GPC2: variants seen among roughly 807,000 people sequenced by gnomAD.
GPC2 encodes the protein glypican-2.
GPC2 carries 42 observed loss-of-function variants against 57.3 expected under a neutral mutation model. The observed-to-expected ratio is 0.73, with a 90% confidence interval of 0.57 to 0.95. The LOEUF (loss-of-function observed/expected upper bound fraction) is 0.95, where lower values mean the gene tolerates loss of function less well. Among genes scored for constraint, GPC2 ranks in the 40% least tolerant of loss-of-function variants. GPC2 has a pLI of 0.00. For missense variants in GPC2, 745 were observed against 793.6 expected, an observed-to-expected ratio of 0.94 and a Z score of 0.74; for synonymous variants, 364 against 343.4, an observed-to-expected ratio of 1.06 and a Z score of -0.66.
intron 6 of GPC2, 33 bp downstream of exon 6, chr7:100,172,054 C>T (rs767289186): frequency 4.3e-6 from 7 of 1,612,546 alleles, no homozygotes; most frequent in South Asian, 2.2e-5. Flanking sequence ...GTCCCCGCCC[C>T]GGGCCTCACC....
chr7:100,176,096 G>GGTGGA, intron 2 of GPC2, 111 bp downstream of exon 2: 1 of 395,286 alleles, frequency 2.5e-6, no homozygotes, highest in Admixed American at 5.5e-5. Context: ...GGCGGGCTGG[G>GGTGGA]AGGGGATGGA....
At chr7:100,172,773 ATG>A (rs1158063370) in intron 5 of GPC2, among the ~76,000 whole-genome samples, 6 of 141,724 alleles carry the variant, frequency 4.2e-5, no homozygotes, top group South Asian at 2.2e-4. Context: ...GTATATATAT[ATG>A]TGTGTGTATA....
In GPC2 at chr7:100,172,157, T is replaced by G; in HGVS notation, c.953A>C (p.Glu318Ala). The part of the protein sequence containing the change: ...QGPFSFELTA[E>A]SIGVKISEGL... ...CTCCGAGATCTTCACCCCAATGGAC[T>G]CGGCCGTCAGCTCAAAGGAAAAGGG... Residue 318 changes from glutamate to alanine, a missense_variant, in exon 6 of 10, where the codon GAG becomes GCG. Physicochemically the swap from Glu to Ala is moderately radical, Grantham distance 107. This residue lies in a region of GPC2 where 607 missense variants were observed against 603.9 expected (regional missense o/e 1.01). Coordinates refer to ENST00000292377, the MANE Select transcript of GPC2 (RefSeq NM_152742.3). 1 of 1,613,786 alleles carries G rather than the reference T, an allele frequency of 6.2e-7. No individual in the cohort carries two copies. Among genetic ancestry groups the G allele is most frequent in the Non-Finnish European group, 8.5e-7 (1 of 1,179,948 alleles).
In GPC2 at chr7:100,171,704, G is replaced by A. The variant is rs1402073801; in HGVS notation, c.1171-26C>T. ...CTGGGCGGGCGAGAGGGGGCGGGGC[G>A]AGCTGGAGCGCGACCCCCACAACCA... On this transcript the variant is annotated intron_variant, in intron 7 of 9. Coordinates refer to ENST00000292377, the MANE Select transcript of GPC2 (RefSeq NM_152742.3). The surrounding 1 kb of genome is among the most constrained non-coding windows in gnomAD (Gnocchi z 4.8). 6 of 1,478,736 alleles carry A rather than the reference G, an allele frequency of 4.1e-6. No homozygotes were observed. In the East Asian group the frequency reaches 1.4e-4, roughly 33 times the overall value. 91.6% of individuals were successfully genotyped at this position (1,478,736 alleles called of 1,614,324 possible).
Position 100,177,047 on chromosome 7 carries a change from G to A in GPC2, c.153C>T (p.Pro51=), listed in dbSNP as rs1249899222. 1.2e-6 allele frequency: 2 copies of A among 1,604,440 alleles called. No individual in the cohort carries two copies. Among genetic ancestry groups the A allele is most frequent in the South Asian group, 1.1e-5 (1 of 89,762 alleles). Residue 51 remains proline (P), a synonymous_variant, in exon 1 of 10, where the codon CCC becomes CCT. Coordinates refer to ENST00000292377, the MANE Select transcript of GPC2 (RefSeq NM_152742.3). ...ARGYSLNLIP[P]ALISGEHLRV... is the part of the protein sequence containing the mutation. ...CTTTCTCCTCACCTGAGATCAGGGC[G>A]GGAGGGATTAGGTTTAAGCTATATC...
At chr7:100,176,081 G>A (rs1799270776) in intron 2 of GPC2, 126 bp downstream of exon 2, 1 of 921,006 alleles carries the variant, frequency 1.1e-6, no homozygotes. Flanking sequence ...AGAGTCTGGG[G>A]GGTGGGCGGG....
rs548362363 is a variant in GPC2 at position 100,173,828 on chromosome 7, C to T, written c.892+7G>A. On this transcript the variant is annotated splice_region_variant and intron_variant, in intron 5 of 9. Transcript: ENST00000292377. ...GCCTGGCTCCAGGCTTTCTTGAATC[C>T]CCTCACCCAGATAGTTGCCCCAGTC... 3.2e-6 allele frequency: 5 copies of T among 1,541,660 alleles called. No individual in the cohort carries two copies. The African/African-American group carries it at 7.0e-5, about 22-fold the overall frequency.
At position 100,171,328 on chromosome 7, in the gene GPC2, C is replaced by G; in HGVS notation, c.1419G>C (p.Gln473His). 6.5e-7 allele frequency: 1 copy of G among 1,544,516 alleles called. No homozygotes were observed. Among genetic ancestry groups the G allele is most frequent in the Non-Finnish European group, 8.7e-7 (1 of 1,144,752 alleles). Residue 473 changes from glutamine to histidine, a missense_variant, in exon 9 of 10, where the codon CAG becomes CAC. Physicochemically the swap from Gln to His is conservative, Grantham distance 24. Transcript: ENST00000292377. The surrounding 1 kb of genome is among the most constrained non-coding windows in gnomAD (Gnocchi z 4.8). ...PDVPTRRRRL[Q>H]LRAATARMKT... is the part of the protein sequence containing the mutation. ...TCATTCTGGCCGTGGCCGCCCGGAG[C>G]TGTAGCCGACGCCGCCGTGTCGGGA...
intron 4 of GPC2, 44 bp downstream of exon 4, chr7:100,174,641 C>A: frequency 7.0e-7 from 1 of 1,436,176 alleles, no homozygotes; most frequent in East Asian, 2.3e-5. Flanking sequence ...CTCACTTCCA[C>A]CTCTCCCTCC....
intron 5 of GPC2, among the ~76,000 whole-genome samples, chr7:100,173,123 C>T (rs1799212374): frequency 6.6e-6 from 1 of 152,200 alleles, no homozygotes; most frequent in African/African-American, 2.4e-5. Context: ...CCACCCACCT[C>T]GGCCTCCCAA....
At chr7:100,172,722 CGT>C (rs1799203565) in intron 5 of GPC2, among the ~76,000 whole-genome samples, 1 of 91,524 alleles carries the variant, frequency 1.1e-5, no homozygotes, top group Non-Finnish European at 2.1e-5. Flanking sequence ...TATATATACA[CGT>C]ATATATATGT....
intron 4 of GPC2, chr7:100,174,359 G>C: frequency 3.8e-6 from 2 of 523,846 alleles, no homozygotes; most frequent in South Asian, 4.1e-5. Context: ...TTCAGCAGCA[G>C]GGAAGTGGAG....
At position 100,176,284 on chromosome 7, in the gene GPC2, G is replaced by A. The variant is rs1285217989; in HGVS notation, c.248C>T (p.Ala83Val). 1.2e-6 allele frequency: 2 copies of A among 1,613,962 alleles called. No individual in the cohort carries two copies. Among genetic ancestry groups the A allele is most frequent in the African/African-American group, 2.7e-5 (2 of 74,896 alleles). The change falls in exon 2 of 10, where the codon GCC becomes GTC. Residue 83 changes from alanine to valine, a missense_variant. Ala to Val is a moderately conservative substitution (Grantham distance 64). Coordinates refer to ENST00000292377, the MANE Select transcript of GPC2 (RefSeq NM_152742.3). ...TEQRLIRETE[A>V]TFRGLVEDSG... The stretch of plus-strand genomic sequence containing the variant: ...GTCCTCCACCAGGCCTCGGAAGGTG[G>A]CCTCAGTCTCCCTGATCAGCCTCTG...
chr7:100,176,581 G>A (rs1032938920), intron 1 of GPC2, among the ~76,000 whole-genome samples: 5 of 152,062 alleles, frequency 3.3e-5, no homozygotes, highest in Non-Finnish European at 7.4e-5. Context: ...CTATTTAACA[G>A]CTGCCCTGAG....
At chr7:100,172,044 G>A (rs992267867) in intron 6 of GPC2, 43 bp downstream of exon 6, 2 of 1,601,636 alleles carry the variant, frequency 1.2e-6, no homozygotes, top group South Asian at 1.1e-5. Context: ...CACCCACACC[G>A]TCCCCGCCCC....
At chr7:100,172,010 A>C in intron 6 of GPC2, 77 bp downstream of exon 6, 1 of 1,580,878 alleles carries the variant, frequency 6.3e-7, no homozygotes, top group East Asian at 2.3e-5. Flanking sequence ...GTCTCTTCCC[A>C]GATCCCCTAT....
chr7:100,172,303 G>A, intron 5 of GPC2, 86 bp from the exon 6 acceptor site: 2 of 1,436,446 alleles, frequency 1.4e-6, no homozygotes. Flanking sequence ...TCGGGCCTTA[G>A]AGAAGCAGCA....
At chr7:100,174,575 C>T (rs1489551573) in intron 4 of GPC2, 110 bp downstream of exon 4, 3 of 800,884 alleles carry the variant, frequency 3.7e-6, no homozygotes, top group Non-Finnish European at 6.5e-6. Context: ...TGGAGGCAGA[C>T]AGAGCCCAAG....
Position 100,176,262 on chromosome 7 carries a change from C to T in GPC2, c.270G>A (p.Glu90=), listed in dbSNP as rs551575841. ...ETEATFRGLV[E]DSGSFLVHTL... Reference sequence around the variant, plus strand: ...TGTGAACCAGAAAGGAGCCGCTGTCCTCCACCAGGCCTCGGAAGGTGGCCT... The same window carrying T: ...TGTGAACCAGAAAGGAGCCGCTGTCTTCCACCAGGCCTCGGAAGGTGGCCT... Residue 90 remains glutamate (E), a synonymous_variant, in exon 2 of 10, where the codon GAG becomes GAA. Transcript: ENST00000292377. 9.3e-6 allele frequency: 15 copies of T among 1,614,004 alleles called. No individual in the cohort carries two copies. In the African/African-American group the frequency reaches 1.7e-4, roughly 19 times the overall value.
Sources: gnomAD v4.1 joint callset for allele counts (sites outside exome capture counted in the v4.1 genomes callset) on GRCh38, gnomAD v4.1.1 for gene constraint, gnomAD v4.1.1 regional missense constraint, Gnocchi (gnomAD v3.1) non-coding constraint, MANE v1.5 for transcripts, NCBI Gene and HGNC (gene_info 2026-07-23, HGNC 2026-07-21) for gene names.